Variants in KLF8 observed in about 807,000 individuals in gnomAD.
KLF8 encodes KLF transcription factor 8, also known as Krueppel-like factor 8.
KLF8 carries 10 observed loss-of-function variants against 18.2 expected under a neutral mutation model. That is an observed-to-expected ratio of 0.55 (90% CI 0.34 to 0.93). The LOEUF is 0.93. KLF8 is among the 40% of genes least tolerant of loss of function. KLF8 has a pLI of 0.02. For missense variants in KLF8, 264 were observed against 277.9 expected, an observed-to-expected ratio of 0.95 and a Z score of 0.36; for synonymous variants, 109 against 97.3, an observed-to-expected ratio of 1.12 and a Z score of -0.71.
At chrX:55,911,565 C>G in the KLF8 span, among the ~76,000 whole-genome samples, 1 of 111,527 alleles carries the variant, frequency 9.0e-6, no homozygotes, top group Non-Finnish European at 1.9e-5. Context: ...CTGTGCTTCC[C>G]CCAAGTCCTT....
chrX:56,121,653 C>T, the KLF8 span, among the ~76,000 whole-genome samples: 1 of 112,265 alleles, frequency 8.9e-6, no homozygotes, highest in Non-Finnish European at 1.9e-5. Context: ...CCACATGGCC[C>T]ATGTTGGCTG....
the KLF8 span, among the ~76,000 whole-genome samples, chrX:56,013,421 C>G: frequency 1.8e-5 from 2 of 111,520 alleles, no homozygotes; most frequent in Non-Finnish European, 3.8e-5. Flanking sequence ...TGGGTTAATG[C>G]TGGAATGAGT....
the KLF8 span, among the ~76,000 whole-genome samples, chrX:56,199,083 T>C: frequency 1.8e-5 from 2 of 111,838 alleles, no homozygotes; most frequent in Non-Finnish European, 3.8e-5. Context: ...TTATAAAGAA[T>C]TAATTCAAGA....
chrX:56,116,634 G>GATATATATATATAT, the KLF8 span, among the ~76,000 whole-genome samples: 7 of 78,157 alleles, frequency 9.0e-5, no homozygotes, highest in African/African-American at 2.4e-4. Flanking sequence ...ATGATGTTCT[G>GATATATATATATAT]ATATATATAT....
At chrX:56,086,051 A>T in the KLF8 span, among the ~76,000 whole-genome samples, 6 of 111,982 alleles carry the variant, frequency 5.4e-5, no homozygotes, top group Non-Finnish European at 1.1e-4. Context: ...TACTCATTGC[A>T]GCAAAAGAGA....
At chrX:56,265,840 C>G in intron 3 of KLF8, 96 bp downstream of exon 3, 1 of 1,099,096 alleles carries the variant, frequency 9.1e-7, no homozygotes, top group Non-Finnish European at 1.2e-6. Context: ...TCCAATTATT[C>G]TTGCACACTG....
chrX:56,077,088 G>T, the KLF8 span, among the ~76,000 whole-genome samples: 1 of 111,479 alleles, frequency 9.0e-6, no homozygotes, highest in South Asian at 3.8e-4. Flanking sequence ...CCATTTTGTA[G>T]GTTGCCTGTT....
At chrX:56,211,675 G>C in the KLF8 span, among the ~76,000 whole-genome samples, 1 of 112,068 alleles carries the variant, frequency 8.9e-6, no homozygotes, top group Non-Finnish European at 1.9e-5. Context: ...TCAGGGGCTA[G>C]AGTAAAAAAC....
chrX:56,102,826 T>C, the KLF8 span, among the ~76,000 whole-genome samples: 10 of 110,721 alleles, frequency 9.0e-5, no homozygotes, highest in Non-Finnish European at 1.7e-4. Flanking sequence ...TATGTATACA[T>C]GTGACATGTT....
the KLF8 span, among the ~76,000 whole-genome samples, chrX:55,938,961 A>T: frequency 8.5e-3 from 948 of 111,955 alleles, 5 homozygotes; most frequent in Non-Finnish European, 0.01. Flanking sequence ...CATTAGAAAG[A>T]TCAATGAGAC....
the KLF8 span, among the ~76,000 whole-genome samples, chrX:56,075,870 A>T: frequency 9.0e-6 from 1 of 111,471 alleles, no homozygotes; most frequent in Non-Finnish European, 1.9e-5. Context: ...GCTGAATAGT[A>T]CTCCATTGTG....
chrX:56,181,795 C>T, the KLF8 span, among the ~76,000 whole-genome samples: 1 of 105,583 alleles, frequency 9.5e-6, no homozygotes, highest in Non-Finnish European at 1.9e-5. Flanking sequence ...TTGCTCCCCC[C>T]CCTTCTGGCT....
the KLF8 span, among the ~76,000 whole-genome samples, chrX:56,131,896 G>T: frequency 8.9e-6 from 1 of 111,893 alleles, no homozygotes; most frequent in Non-Finnish European, 1.9e-5. Flanking sequence ...GACAAAGAGG[G>T]ATATTATATA....
At chrX:56,078,757 G>A in the KLF8 span, among the ~76,000 whole-genome samples, 4 of 111,455 alleles carry the variant, frequency 3.6e-5, no homozygotes, top group Admixed American at 9.5e-5. Context: ...ATTCGGCTGT[G>A]AATCCATCTG....
At chrX:55,919,571 T>C in the KLF8 span, among the ~76,000 whole-genome samples, 1 of 111,201 alleles carries the variant, frequency 9.0e-6, no homozygotes, top group Non-Finnish European at 1.9e-5. Flanking sequence ...TTGCAGGCTG[T>C]GTGAGAGCTG....
the KLF8 span, among the ~76,000 whole-genome samples, chrX:56,222,893 G>A: frequency 4.9e-4 from 55 of 113,000 alleles, no homozygotes; most frequent in Non-Finnish European, 9.0e-4. Context: ...TAGCTGGCCC[G>A]CAAGCGCCGT....
the KLF8 span, among the ~76,000 whole-genome samples, chrX:56,104,870 C>G: frequency 6.8e-3 from 764 of 111,909 alleles, 32 homozygotes; most frequent in Admixed American, 0.064. Flanking sequence ...AAATTTCCCT[C>G]TACACACTGC....
chrX:56,026,442 C>T, the KLF8 span, among the ~76,000 whole-genome samples: 1 of 111,818 alleles, frequency 8.9e-6, no homozygotes, highest in African/African-American at 3.3e-5. Flanking sequence ...AGGAGGAGGA[C>T]TATGATATAA....
chrX:56,023,516 T>C, the KLF8 span, among the ~76,000 whole-genome samples: 3 of 111,682 alleles, frequency 2.7e-5, no homozygotes, highest in Non-Finnish European at 5.6e-5. Flanking sequence ...TTTGACAAAA[T>C]TGTTCCTAGA....
Sources: gnomAD v4.1 joint callset for allele counts (sites outside exome capture counted in the v4.1 genomes callset) on GRCh38, gnomAD v4.1.1 for gene constraint, MANE v1.5 for transcripts, NCBI Gene and HGNC (gene_info 2026-07-23, HGNC 2026-07-21) for gene names.